Variants in ZC3H12D observed in about 807,000 individuals in gnomAD.
ZC3H12D encodes the protein zinc finger CCCH-type containing 12D.
ZC3H12D carries 11 observed loss-of-function variants against 24.2 expected under a neutral mutation model. The observed-to-expected ratio is 0.46, with a 90% CI of 0.29 to 0.75. The LOEUF is 0.75. ZC3H12D is among the 30% of genes least tolerant of loss of function. The probability of loss-of-function intolerance (pLI) is 0.11; values close to 1 mark genes in which losing one functional copy is unlikely to be tolerated. For missense variants in ZC3H12D, 740 were observed against 767.7 expected, an observed-to-expected ratio of 0.96 and a Z score of 0.43; for synonymous variants, 333 against 341.8, an observed-to-expected ratio of 0.97 and a Z score of 0.28.
rs1397129532 is a variant in ZC3H12D, at chr6:149,456,554, G to A, written c.680+112C>T. On this transcript the variant is annotated intron_variant, in intron 4 of 5. Transcript: ENST00000409806. This position sits in a 1 kb window ranked among gnomAD's most constrained non-coding sequence, Gnocchi z 4.3. The stretch of plus-strand genomic sequence containing the variant: ...TGGGGGAGCTCTGTCTGAGGGGCTG[G>A]GTGACCGGGTGACCCCAAGCTCCTC... 7.8e-6 allele frequency: 7 copies of A among 897,852 alleles called. No homozygotes were observed. The highest frequency in any genetic ancestry group is 1.2e-5 in the Non-Finnish European group (7 of 588,938). The allele number at this position is 897,852 out of a possible 1,614,324, so 55.6% of individuals were successfully genotyped here.
In ZC3H12D at chr6:149,451,468, T is replaced by C. The variant is rs760915234; in HGVS notation, c.799A>G (p.Thr267Ala). Reference sequence around the variant, plus strand: ...TAGAACTTGCACTTGATGCCATAGGTGCATTTCTTGCCTGAAAGGGGCGGG... The same window carrying C: ...TAGAACTTGCACTTGATGCCATAGGCGCATTTCTTGCCTGAAAGGGGCGGG... ...WQHCPYGKKC[T>A]YGIKCKFYHP... The change falls in exon 6 of 6, where the codon ACC becomes GCC. Residue 267 changes from threonine to alanine, a missense_variant. By Grantham distance (58) the Thr-to-Ala change is moderately conservative. Transcript: ENST00000409806. 1 of 1,569,448 alleles carries C rather than the reference T, an allele frequency of 6.4e-7. No homozygotes were observed. Among genetic ancestry groups the C allele is most frequent in the African/African-American group, 1.4e-5 (1 of 71,074 alleles).
chr6:149,474,189 C>T, intron 2 of ZC3H12D, 50 bp downstream of exon 2: 1 of 1,420,258 alleles, frequency 7.0e-7, no homozygotes, highest in Non-Finnish European at 9.3e-7. Context: ...CTCAGGGCTC[C>T]TGCGAACAGG....
intron 1 of ZC3H12D, among the ~76,000 whole-genome samples, chr6:149,480,419 A>G (rs1196904025): frequency 1.3e-5 from 2 of 152,252 alleles, no homozygotes; most frequent in African/African-American, 2.4e-5. Context: ...GTTCTCACTT[A>G]TAAGTGGGAG....
intron 2 of ZC3H12D, among the ~76,000 whole-genome samples, chr6:149,472,620 A>G (rs1424068265): frequency 6.6e-6 from 1 of 152,102 alleles, no homozygotes; most frequent in East Asian, 1.9e-4. Flanking sequence ...GATGTGGCTT[A>G]AGTTTGACTC....
chr6:149,481,579 A>C (rs2115015636), intron 1 of ZC3H12D, among the ~76,000 whole-genome samples: 1 of 151,720 alleles, frequency 6.6e-6, no homozygotes, highest in East Asian at 1.9e-4. Context: ...TTCACTGGGT[A>C]GGTCAAACTG....
chr6:149,452,712 G>A lies in ZC3H12D; in HGVS notation c.691C>T (p.Pro231Ser), dbSNP rs1340214171. 2 of 1,603,000 alleles carry A rather than the reference G, an allele frequency of 1.2e-6. No homozygotes were observed. Among genetic ancestry groups the A allele is most frequent in the Non-Finnish European group, 1.7e-6 (2 of 1,175,986 alleles). Residue 231 changes from proline (P) to serine (S), a missense_variant, in exon 5 of 6, where the codon CCT (proline) becomes TCT (serine). Coordinates refer to ENST00000409806, the MANE Select transcript of ZC3H12D (RefSeq NM_207360.3). This position sits in a 1 kb window ranked among gnomAD's most constrained non-coding sequence, Gnocchi z 4.0. ...FSFVNDRFMP[P>S]DDPLGRHGPS... Reference sequence around the variant, plus strand: ...CCATGGCGGCCCAGGGGGTCATCAGGCGGCATGAACCTGGAAAATAAGCAC... The same window carrying A: ...CCATGGCGGCCCAGGGGGTCATCAGACGGCATGAACCTGGAAAATAAGCAC...
Position 149,482,053 on chromosome 6 carries a change from G to A in ZC3H12D, c.-71+2760C>T, listed in dbSNP as rs565444795. On this transcript the variant is annotated intron_variant, in intron 1 of 5. Coordinates refer to ENST00000409806, the MANE Select transcript of ZC3H12D (RefSeq NM_207360.3). ...CCGCCCAGGGCCGAAGTAAGGGGCA[G>A]CTCCCCTAGGGGCCCTCGGGGCACA... is the stretch of plus-strand genomic sequence containing the variant. Among the ~76,000 whole-genome samples the A allele has an allele frequency of 2.0e-5, 3 of 152,362 alleles. No homozygotes were observed. The East Asian group carries it at 5.8e-4, about 29-fold the overall frequency.
chr6:149,468,599 G>A (rs1215319541), intron 2 of ZC3H12D, among the ~76,000 whole-genome samples: 1 of 152,164 alleles, frequency 6.6e-6, no homozygotes, highest in Non-Finnish European at 1.5e-5. Context: ...TCTTACTGGG[G>A]GTTCAATTGC....
chr6:149,452,332 T>C lies in ZC3H12D; in HGVS notation c.787+284A>G, dbSNP rs576562563. The C allele has an allele frequency of 1.2e-3, 401 of 347,850 alleles. 3 individuals are homozygous for C. The highest frequency in any genetic ancestry group is 7.9e-3 in the African/African-American group (374 of 47,334). 21.5% of individuals were successfully genotyped at this position (347,850 alleles called of 1,614,324 possible). On this transcript the variant is annotated intron_variant, in intron 5 of 5. Coordinates refer to ENST00000409806, the MANE Select transcript of ZC3H12D (RefSeq NM_207360.3). The surrounding 1 kb of genome is among the most constrained non-coding windows in gnomAD (Gnocchi z 4.0). ...AAGGGACTGAGACCCGCAGCTGGGT[T>C]TGTGTCCAGGCTCCCGGCTTCTCAG...
chr6:149,481,462 C>T (rs1406583129), intron 1 of ZC3H12D, among the ~76,000 whole-genome samples: 1 of 151,410 alleles, frequency 6.6e-6, no homozygotes, highest in Non-Finnish European at 1.5e-5. Flanking sequence ...GCAACCTCCA[C>T]CTCCTGATTA....
At position 149,456,991 on chromosome 6, in the gene ZC3H12D, C is replaced by G; in HGVS notation, c.446-91G>C. 7.6e-7 allele frequency: 1 copy of G among 1,311,466 alleles called. No individual in the cohort carries two copies. The highest frequency in any genetic ancestry group is 1.0e-6 in the Non-Finnish European group (1 of 955,272). 81.2% of individuals were successfully genotyped at this position (1,311,466 alleles called of 1,614,324 possible). ...ACGCGAGGCCACCCGCTTCCCGGGCCGGTCAGATGAGGTTTTGAGGGGAGC... is the reference window on the plus strand; with the variant it reads ...ACGCGAGGCCACCCGCTTCCCGGGCGGGTCAGATGAGGTTTTGAGGGGAGC... On this transcript the variant is annotated intron_variant, in intron 3 of 5. Coordinates refer to ENST00000409806, the MANE Select transcript of ZC3H12D (RefSeq NM_207360.3). This position sits in a 1 kb window ranked among gnomAD's most constrained non-coding sequence, Gnocchi z 4.3.
intron 1 of ZC3H12D, among the ~76,000 whole-genome samples, chr6:149,474,902 C>T (rs7773417): frequency 2.1e-4 from 32 of 152,180 alleles, no homozygotes; most frequent in African/African-American, 6.8e-4. Context: ...TCGGGACAGG[C>T]CAAACACAGG....
chr6:149,466,285 G>A (rs938509662), intron 2 of ZC3H12D, among the ~76,000 whole-genome samples: 1 of 151,648 alleles, frequency 6.6e-6, no homozygotes, highest in South Asian at 2.1e-4. Flanking sequence ...ATCCGAGATG[G>A]GAGGGGGCGG....
chr6:149,469,277 G>A (rs939534308), intron 2 of ZC3H12D, among the ~76,000 whole-genome samples: 2 of 152,162 alleles, frequency 1.3e-5, no homozygotes, highest in Non-Finnish European at 2.9e-5. Context: ...CTAACACGGT[G>A]AAACCCCGTC....
chr6:149,462,298 C>A (rs568848600), intron 2 of ZC3H12D, among the ~76,000 whole-genome samples: 1 of 152,036 alleles, frequency 6.6e-6, no homozygotes, highest in African/African-American at 2.4e-5. Context: ...CACTTGAACC[C>A]GAAAGATGGA....
chr6:149,455,621 G>A (rs961528636), intron 4 of ZC3H12D, among the ~76,000 whole-genome samples: 2 of 152,122 alleles, frequency 1.3e-5, no homozygotes, highest in East Asian at 1.9e-4. Flanking sequence ...AGCCATAGCC[G>A]GTTGGTCTGG....
intron 3 of ZC3H12D, among the ~76,000 whole-genome samples, chr6:149,458,216 G>C (rs1361498230): frequency 1.6e-5 from 2 of 128,032 alleles, no homozygotes; most frequent in Admixed American, 2.0e-4. Flanking sequence ...GCTCACTGCT[G>C]CTTCTACCCT....
Position 149,449,924 on chromosome 6 carries a change from A to AGTGTGTGTGTGTGTGTGT in ZC3H12D, c.*758_*759insACACACACACACACACAC, listed in dbSNP as rs1775857237. 2 of 54,724 alleles carry AGTGTGTGTGTGTGTGTGT rather than the reference A, an allele frequency of 3.7e-5. No individual in the cohort carries two copies. The highest frequency in any genetic ancestry group is 2.9e-4 in the African/African-American group (2 of 6,930). The allele number at this position is 54,724 out of a possible 1,614,324, so 3.4% of individuals were successfully genotyped here. A position where few individuals can be genotyped will look rare whatever the true frequency, so the allele number is the denominator to read the frequency against. ...GTGTGAGTATGTACATGTATGATAG[A>AGTGTGTGTGTGTGTGTGT]CTGTGTGTGTGTGTGTGTGTGTGTG... On this transcript the variant is annotated 3_prime_UTR_variant, in exon 6 of 6. Coordinates refer to ENST00000409806, the MANE Select transcript of ZC3H12D (RefSeq NM_207360.3).
At chr6:149,465,422 C>T (rs1776138822) in intron 2 of ZC3H12D, among the ~76,000 whole-genome samples, 1 of 150,780 alleles carries the variant, frequency 6.6e-6, no homozygotes, top group Non-Finnish European at 1.5e-5. Flanking sequence ...GAGGCTTGTA[C>T]AGTGAGGAGA....
Sources: allele counts gnomAD v4.1 joint callset (sites outside exome capture counted in the v4.1 genomes callset), GRCh38; gene constraint gnomAD v4.1.1; non-coding constraint Gnocchi (gnomAD v3.1); transcripts MANE v1.5; gene names NCBI Gene and HGNC (gene_info 2026-07-23, HGNC 2026-07-21).